Variants in ACSM4 observed in about 807,000 individuals in gnomAD.
The protein encoded by ACSM4 is acyl-CoA synthetase medium chain family member 4.
Under a neutral mutation model 73.0 loss-of-function variants are expected in ACSM4, and 66 were observed. The ratio of observed to expected loss-of-function variants is 0.90; its 90% confidence interval spans 0.74 to 1.11. The LOEUF (loss-of-function observed/expected upper bound fraction) is 1.11. Among genes scored for constraint, ACSM4 ranks in the 50% least tolerant of loss-of-function variants. The pLI is 0.00. For synonymous variants in ACSM4, 222 were observed against 254.0 expected (o/e 0.87, Z 1.20); for missense variants, 645 against 714.4 (o/e 0.90, Z 1.11).
rs1267517981 is a variant in ACSM4, at chr12:7,317,026, C to A, written c.621-111C>A. 4 of 1,342,224 alleles carry A rather than the reference C, an allele frequency of 3.0e-6. No homozygotes were observed. The South Asian group carries it at 4.9e-5, about 16-fold the overall frequency. The allele number at this position is 1,342,224 out of a possible 1,614,324, so 83.1% of individuals were successfully genotyped here. ...GGAAAGCTTTGGATTAGGTTCAGTT[C>A]TGTTAACTATCTTCTGGTAGCAAGA... On this transcript the variant is annotated intron_variant, in intron 3 of 12. Transcript: ENST00000399422.
rs1946512021 is a variant in ACSM4, at chr12:7,327,030, A to G, written c.1591A>G (p.Lys531Glu). Reference sequence around the variant, plus strand: ...ACCCTTTAAGTCCTACAACCCAGAGAAATTAACTCTTGAACTTCAGGATCA... The same window carrying G: ...ACCCTTTAAGTCCTACAACCCAGAGGAATTAACTCTTGAACTTCAGGATCA... ...AAPFKSYNPE[K>E]LTLELQDHVK... Residue 531 changes from lysine to glutamate, a missense_variant, in exon 12 of 13, where the codon AAA (lysine) becomes GAA (glutamate). By Grantham distance (56) the Lys-to-Glu change is moderately conservative. Coordinates refer to ENST00000399422, the MANE Select transcript of ACSM4 (RefSeq NM_001080454.2). The G allele has an allele frequency of 6.2e-7, 1 of 1,612,726 alleles. No homozygotes were observed.
At position 7,327,038 on chromosome 12, in the gene ACSM4, T is replaced by A; in HGVS notation, c.1599T>A (p.Thr533=). 2 of 1,612,546 alleles carry A rather than the reference T, an allele frequency of 1.2e-6. No homozygotes were observed. The highest frequency in any genetic ancestry group is 1.7e-4 in the Middle Eastern group (1 of 6,040). The part of the protein sequence containing the change: ...PFKSYNPEKL[T]LELQDHVKKS... ...AGTCCTACAACCCAGAGAAATTAAC[T>A]CTTGAACTTCAGGATCATGTGAAAA... Residue 533 remains threonine, a synonymous_variant, in exon 12 of 13, where the codon ACT becomes ACA. Transcript: ENST00000399422.
chr12:7,322,438 G>T lies in ACSM4; in HGVS notation c.1022G>T (p.Arg341Leu), dbSNP rs781371927. The T allele has an allele frequency of 6.2e-7, 1 of 1,613,762 alleles. No homozygotes were observed. The highest frequency in any genetic ancestry group is 1.7e-5 in the Admixed American group (1 of 60,006). ...TCCAGATATAAATTCAAGAGTCTGC[G>T]GCACTGCTTGACCGGAGGGGAGCCA... ...DLKRYKFKSL[R>L]HCLTGGEPLN... Residue 341 changes from arginine to leucine, a missense_variant, in exon 7 of 13, where the codon CGG (arginine) becomes CTG (leucine). Coordinates refer to ENST00000399422, the MANE Select transcript of ACSM4 (RefSeq NM_001080454.2).
intron 11 of ACSM4, 146 bp from the exon 12 acceptor site, chr12:7,326,830 C>T: frequency 2.3e-6 from 2 of 876,418 alleles, no homozygotes; most frequent in South Asian, 4.5e-5. Context: ...TGTATCCAAG[C>T]TTTGTTCAGA....
chr12:7,309,107 T>A (rs1208359447), intron 2 of ACSM4, among the ~76,000 whole-genome samples: 11 of 152,272 alleles, frequency 7.2e-5, no homozygotes, highest in Admixed American at 7.2e-4. Flanking sequence ...CAAACTTCTC[T>A]CTTTAATCTA....
chr12:7,328,054 T>G (rs976004173), intron 12 of ACSM4, among the ~76,000 whole-genome samples: 2 of 152,220 alleles, frequency 1.3e-5, no homozygotes, highest in Admixed American at 1.3e-4. Flanking sequence ...ATTATTACTT[T>G]CTTCTGGCAA....
Position 7,317,124 on chromosome 12 carries a change from C to A in ACSM4, c.621-13C>A. ...CCATCTTCCACCGCCATCTTGGGGT[C>A]CATATTTTGCAGATTCGCCTCTGAA... On this transcript the variant is annotated splice_polypyrimidine_tract_variant and intron_variant, in intron 3 of 12. Transcript: ENST00000399422. 1 of 1,605,036 alleles carries A rather than the reference C, an allele frequency of 6.2e-7. No homozygotes were observed. Among genetic ancestry groups the A allele is most frequent in the South Asian group, 1.1e-5 (1 of 89,172 alleles).
intron 1 of ACSM4, 118 bp downstream of exon 1, chr12:7,304,650 C>T (rs1410915957): frequency 1.8e-6 from 2 of 1,133,062 alleles, no homozygotes; most frequent in African/African-American, 1.6e-5. Context: ...TCTTGGTTTC[C>T]TTTGTTTGTT....
At position 7,324,373 on chromosome 12, in the gene ACSM4, G is replaced by C. The variant is rs1946487512; in HGVS notation, c.1409G>C (p.Arg470Thr). 6.2e-7 allele frequency: 1 copy of C among 1,614,150 alleles called. No individual in the cohort carries two copies. The highest frequency in any genetic ancestry group is 8.5e-7 in the Non-Finnish European group (1 of 1,180,016). Residue 470 changes from arginine (R) to threonine (T), a missense_variant, in exon 10 of 13, where the codon AGA becomes ACA. Coordinates refer to ENST00000399422, the MANE Select transcript of ACSM4 (RefSeq NM_001080454.2). The part of the protein sequence containing the change: ...DSDGYFWFVG[R>T]ADDVIISSGY... ...GATGGGTATTTCTGGTTTGTCGGCA[G>C]AGCTGATGATGTCATTATATCCTCT...
chr12:7,310,747 G>T lies in ACSM4; in HGVS notation c.620+1G>T, dbSNP rs769042659. 3.1e-6 allele frequency: 5 copies of T among 1,607,760 alleles called. No individual in the cohort carries two copies. In the Admixed American group the frequency reaches 6.7e-5, roughly 22 times the overall value. On this transcript the variant is annotated splice_donor_variant, in intron 3 of 12. Coordinates refer to ENST00000399422, the MANE Select transcript of ACSM4 (RefSeq NM_001080454.2). LOFTEE classifies it high-confidence loss of function. ...GGCTCAGCTTCCAGGAGTTATTTCA[G>T]TGAGTATTTTTCCCAGCCAATCTAC...
intron 3 of ACSM4, among the ~76,000 whole-genome samples, chr12:7,312,809 C>T (rs1328140807): frequency 6.6e-6 from 1 of 152,062 alleles, no homozygotes; most frequent in African/African-American, 2.4e-5. Flanking sequence ...ATTATAACTG[C>T]TATCATTATT....
At chr12:7,306,841 A>ATAAT in intron 2 of ACSM4, 98 bp downstream of exon 2, 1 of 947,704 alleles carries the variant, frequency 1.1e-6, no homozygotes, top group Non-Finnish European at 1.4e-6. Context: ...GTATGCATAC[A>ATAAT]GAAGACAAAA....
At chr12:7,313,884 T>A (rs892805163) in intron 3 of ACSM4, among the ~76,000 whole-genome samples, 2 of 152,182 alleles carry the variant, frequency 1.3e-5, no homozygotes, top group Non-Finnish European at 2.9e-5. Context: ...TGCTAAATCT[T>A]AAAATTGACC....
chr12:7,317,023 G>T, intron 3 of ACSM4, 114 bp from the exon 4 acceptor site: 1 of 1,331,920 alleles, frequency 7.5e-7, no homozygotes, highest in South Asian at 1.6e-5. Context: ...ATTAGGTTCA[G>T]TTCTGTTAAC....
intron 12 of ACSM4, among the ~76,000 whole-genome samples, chr12:7,327,936 T>C (rs1946521293): frequency 6.6e-6 from 1 of 152,172 alleles, no homozygotes; most frequent in African/African-American, 2.4e-5. Flanking sequence ...CATCCAGCTC[T>C]GAAAAGACAA....
chr12:7,308,186 T>G (rs944137671), intron 2 of ACSM4, among the ~76,000 whole-genome samples: 1 of 152,206 alleles, frequency 6.6e-6, no homozygotes, highest in Non-Finnish European at 1.5e-5. Flanking sequence ...TATATAAAAT[T>G]CGTTTATATA....
At chr12:7,307,359 T>C (rs1946367645) in intron 2 of ACSM4, among the ~76,000 whole-genome samples, 1 of 152,196 alleles carries the variant, frequency 6.6e-6, no homozygotes, top group Non-Finnish European at 1.5e-5. Context: ...AACAAAGCTC[T>C]ATAAAAGCAA....
chr12:7,306,733 C>T lies in ACSM4; in HGVS notation c.402C>T (p.Cys134=). The stretch of plus-strand genomic sequence containing the variant: ...AGTGGTGGCTGGTCAATGTAGCTTG[C>T]ATACGAACAGGTCAGTGCCAATATT... ...IPEWWLVNVA[C]IRTGIIFMPG... The change falls in exon 2 of 13, where the codon TGC becomes TGT. Residue 134 remains cysteine, a synonymous_variant. Transcript: ENST00000399422. The T allele has an allele frequency of 3.7e-6, 6 of 1,608,552 alleles. No homozygotes were observed. Among genetic ancestry groups the T allele is most frequent in the Non-Finnish European group, 4.2e-6 (5 of 1,177,766 alleles).
At chr12:7,313,000 T>C (rs936251058) in intron 3 of ACSM4, among the ~76,000 whole-genome samples, 33 of 152,300 alleles carry the variant, frequency 2.2e-4, no homozygotes, top group African/African-American at 7.2e-4. Context: ...AATAAAAATT[T>C]TAGAGGATAA....
Sources: allele counts gnomAD v4.1 joint callset (sites outside exome capture counted in the v4.1 genomes callset), GRCh38; gene constraint gnomAD v4.1.1; transcripts MANE v1.5; gene names NCBI Gene and HGNC (gene_info 2026-07-23, HGNC 2026-07-21).